MLPH: variants seen among roughly 807,000 people sequenced by gnomAD.
The protein encoded by MLPH is melanophilin.
A neutral mutation model predicts 72.1 loss-of-function variants in MLPH; 51 were observed. That is an observed-to-expected ratio of 0.71 (90% CI 0.56 to 0.89). The LOEUF (loss-of-function observed/expected upper bound fraction) is 0.89, where lower values mean the gene tolerates loss of function less well. MLPH is among the 40% of genes least tolerant of loss of function. The pLI, the probability that MLPH is intolerant of heterozygous loss-of-function variation, is 0.00. For missense variants in MLPH, 743 were observed against 759.9 expected, an observed-to-expected ratio of 0.98 and a Z score of 0.26; for synonymous variants, 301 against 310.1, an observed-to-expected ratio of 0.97 and a Z score of 0.31.
At chr2:237,550,005 A>G (rs1185406665) in intron 14 of MLPH, among the ~76,000 whole-genome samples, 1 of 152,220 alleles carries the variant, frequency 6.6e-6, no homozygotes, top group East Asian at 1.9e-4. Flanking sequence ...ATAGCCCTGC[A>G]GACTTTGGCC....
chr2:237,526,598 T>C (rs7561919), intron 7 of MLPH, among the ~76,000 whole-genome samples: 16,196 of 152,168 alleles, frequency 0.11, 1,006 homozygotes, highest in Non-Finnish European at 0.14. Context: ...ATTTCCTCTG[T>C]GATCTCAAGT....
chr2:237,542,514 G>C, intron 11 of MLPH, 53 bp from the exon 12 acceptor site: 1 of 1,417,920 alleles, frequency 7.1e-7, no homozygotes, highest in Non-Finnish European at 9.8e-7. Flanking sequence ...TGACTTTGAG[G>C]CGGGATCTCG....
chr2:237,553,456 G>A (rs1307702710), intron 15 of MLPH, 110 bp from the exon 16 acceptor site: 2 of 1,000,392 alleles, frequency 2.0e-6, no homozygotes, highest in Non-Finnish European at 3.1e-6. Flanking sequence ...CTACAGATGT[G>A]CACATCCATG....
At chr2:237,539,147 G>A (rs941547106) in intron 9 of MLPH, among the ~76,000 whole-genome samples, 4 of 152,184 alleles carry the variant, frequency 2.6e-5, no homozygotes, top group Admixed American at 6.5e-5. Flanking sequence ...ACTATGGGGG[G>A]GCGGGGAGGC....
At chr2:237,491,351 A>G (rs551863177) in intron 1 of MLPH, among the ~76,000 whole-genome samples, 55 of 152,206 alleles carry the variant, frequency 3.6e-4, no homozygotes, top group Non-Finnish European at 5.7e-4. Flanking sequence ...TTAAACTTTC[A>G]GTTACTCACA....
At chr2:237,492,101 G>A (rs1161012419) in intron 1 of MLPH, among the ~76,000 whole-genome samples, 2 of 152,150 alleles carry the variant, frequency 1.3e-5, no homozygotes, top group South Asian at 2.1e-4. Context: ...AGTTCCCAGG[G>A]GATGCTGCCA....
intron 1 of MLPH, among the ~76,000 whole-genome samples, chr2:237,491,720 G>T (rs1007164202): frequency 2.0e-5 from 3 of 152,128 alleles, no homozygotes; most frequent in Admixed American, 1.3e-4. Context: ...AGTTCTCCCT[G>T]GTACAATTGT....
intron 7 of MLPH, among the ~76,000 whole-genome samples, chr2:237,526,411 G>A (rs7570873): frequency 0.17 from 25,346 of 152,060 alleles, 2,346 homozygotes; most frequent in African/African-American, 0.23. Flanking sequence ...GCTGCGTGCG[G>A]GAAAGCTGTC....
intron 4 of MLPH, among the ~76,000 whole-genome samples, chr2:237,516,023 T>A (rs1207999164): frequency 1.3e-5 from 2 of 152,224 alleles, no homozygotes; most frequent in Non-Finnish European, 2.9e-5. Flanking sequence ...GCAGTCCTGC[T>A]TCCCTTTGCA....
intron 9 of MLPH, among the ~76,000 whole-genome samples, chr2:237,536,711 C>T (rs139919838): frequency 6.6e-6 from 1 of 152,210 alleles, no homozygotes; most frequent in Non-Finnish European, 1.5e-5. Context: ...CAGGTGGACA[C>T]TGGAGATCTG....
chr2:237,530,007 T>C (rs1251690997), intron 8 of MLPH, among the ~76,000 whole-genome samples: 3 of 151,978 alleles, frequency 2.0e-5, no homozygotes, highest in Admixed American at 6.6e-5. Flanking sequence ...ACAGCTGGGG[T>C]TCTCAAGGGG....
At chr2:237,515,197 G>C (rs72988138) in intron 4 of MLPH, among the ~76,000 whole-genome samples, 15 of 152,360 alleles carry the variant, frequency 9.8e-5, no homozygotes, top group Non-Finnish European at 1.6e-4. Context: ...GGACATCACG[G>C]AGGAGGGTGT....
At chr2:237,530,417 A>G (rs567902791) in intron 8 of MLPH, among the ~76,000 whole-genome samples, 16 of 152,340 alleles carry the variant, frequency 1.1e-4, no homozygotes, top group African/African-American at 3.4e-4. Context: ...CTTCCTTAGC[A>G]TGGCAATATG....
chr2:237,490,328 A>G (rs114792326), intron 1 of MLPH, among the ~76,000 whole-genome samples: 5,037 of 141,546 alleles, frequency 0.036, 203 homozygotes, highest in African/African-American at 0.11. Context: ...GACCTCATCT[A>G]AAAAAAAAAA....
chr2:237,528,311 G>C lies in MLPH; in HGVS notation c.1020+795G>C, dbSNP rs182820289. Among the ~76,000 whole-genome samples, 169 of 145,476 alleles carry C rather than the reference G, an allele frequency of 1.2e-3. 7 individuals carry two copies. The East Asian group carries it at 0.032, about 27-fold the overall frequency. ...AAAAAGTAATATTTTATTGAATTTAGGAGAAAATAAATAATCTTTAGTCTT... is the reference window on the plus strand; with the variant it reads ...AAAAAGTAATATTTTATTGAATTTACGAGAAAATAAATAATCTTTAGTCTT... On this transcript the variant is annotated intron_variant, in intron 8 of 15. Transcript: ENST00000264605.
chr2:237,542,515 C>A, intron 11 of MLPH, 52 bp from the exon 12 acceptor site: 3 of 1,414,288 alleles, frequency 2.1e-6, no homozygotes, highest in African/African-American at 1.4e-5. Context: ...GACTTTGAGG[C>A]GGGATCTCGA....
At chr2:237,509,619 C>T (rs2079847829) in intron 2 of MLPH, among the ~76,000 whole-genome samples, 1 of 152,222 alleles carries the variant, frequency 6.6e-6, no homozygotes, top group Admixed American at 6.5e-5. Flanking sequence ...ATTCCTACAA[C>T]TGCTTGACCC....
chr2:237,518,604 C>T lies in MLPH; in HGVS notation c.511C>T (p.Pro171Ser), dbSNP rs761648031. 22 of 1,613,688 alleles carry T rather than the reference C, an allele frequency of 1.4e-5. No individual in the cohort carries two copies. The highest frequency in any genetic ancestry group is 3.3e-5 in the Admixed American group (2 of 59,960). Residue 171 changes from proline (P) to serine (S), a missense_variant, in exon 5 of 16, where the codon CCT becomes TCT. Pro to Ser is a moderately conservative substitution (Grantham distance 74). Coordinates refer to ENST00000264605, the MANE Select transcript of MLPH (RefSeq NM_024101.7). ...CGACCAGACAGATGAGGATGGAGAA[C>T]CTGGCTCAGAGGCCCAGGCCCAGGC... ...DSDQTDEDGE[P>S]GSEAQAQAQP...
intron 2 of MLPH, among the ~76,000 whole-genome samples, chr2:237,499,195 A>AAGATATTGATATT (rs2079597756): frequency 1.3e-5 from 2 of 152,246 alleles, no homozygotes; most frequent in Non-Finnish European, 2.9e-5. Flanking sequence ...TCGCCCTGAC[A>AAGATATTGATATT]CCTCATATTG....
Sources: allele counts gnomAD v4.1 joint callset (sites outside exome capture counted in the v4.1 genomes callset), GRCh38; gene constraint gnomAD v4.1.1; transcripts MANE v1.5; gene names NCBI Gene and HGNC (gene_info 2026-07-23, HGNC 2026-07-21).